Variants in NT5C2 observed in about 807,000 individuals in gnomAD.
The protein encoded by NT5C2 is cytosolic purine 5'-nucleotidase.
A neutral mutation model predicts 76.1 loss-of-function variants in NT5C2; 58 were observed. The observed-to-expected ratio is 0.76, with a 90% CI of 0.62 to 0.95. The LOEUF is 0.95. Among genes scored for constraint, NT5C2 ranks in the 40% least tolerant of loss-of-function variants. NT5C2 has a pLI of 0.00. For synonymous variants in NT5C2, 229 were observed against 237.4 expected (o/e 0.96, Z 0.32); for missense variants, 478 against 690.3 (o/e 0.69, Z 3.45).
chr10:103,140,496 A>C (rs1404730199), intron 3 of NT5C2, among the ~76,000 whole-genome samples: 1 of 152,146 alleles, frequency 6.6e-6, no homozygotes, highest in Non-Finnish European at 1.5e-5. Context: ...ATAATGTTGC[A>C]ATGAACATGG....
At chr10:103,190,536 T>C (rs1344267596) in intron 1 of NT5C2, among the ~76,000 whole-genome samples, 1 of 152,220 alleles carries the variant, frequency 6.6e-6, no homozygotes, top group Non-Finnish European at 1.5e-5. Flanking sequence ...AATTATTCTA[T>C]TTAATCCACA....
At chr10:103,185,516 C>T (rs914841488) in intron 1 of NT5C2, among the ~76,000 whole-genome samples, 1 of 151,644 alleles carries the variant, frequency 6.6e-6, no homozygotes, top group East Asian at 1.9e-4. Flanking sequence ...GGCATGGTGA[C>T]GGGTGCCTGT....
chr10:103,115,553 T>C (rs903672857), intron 4 of NT5C2, among the ~76,000 whole-genome samples: 1 of 152,214 alleles, frequency 6.6e-6, no homozygotes, highest in Non-Finnish European at 1.5e-5. Flanking sequence ...CAATAAAAAG[T>C]AAAGATCATA....
intron 3 of NT5C2, among the ~76,000 whole-genome samples, chr10:103,167,554 C>A (rs2134370867): frequency 6.6e-6 from 1 of 152,150 alleles, no homozygotes; most frequent in Admixed American, 6.5e-5. Flanking sequence ...AATTGATCAA[C>A]CTGGCAGTCT....
intron 3 of NT5C2, among the ~76,000 whole-genome samples, chr10:103,171,582 G>A (rs1297064958): frequency 6.6e-6 from 1 of 152,198 alleles, no homozygotes; most frequent in Non-Finnish European, 1.5e-5. Context: ...GGGAGGCAAA[G>A]ATGGTTCTAG....
At chr10:103,139,165 G>A (rs867827919) in intron 4 of NT5C2, among the ~76,000 whole-genome samples, 6 of 152,106 alleles carry the variant, frequency 3.9e-5, no homozygotes, top group African/African-American at 9.7e-5. Context: ...TCTTACCAGG[G>A]TCTCTAAAAT....
intron 3 of NT5C2, among the ~76,000 whole-genome samples, chr10:103,155,375 A>C (rs2083161907): frequency 6.6e-6 from 1 of 152,208 alleles, no homozygotes; most frequent in African/African-American, 2.4e-5. Context: ...TATGAGGTAA[A>C]GTTATTCCAG....
In NT5C2 at chr10:103,145,419, C is replaced by T. The variant is rs1016985601; in HGVS notation, c.102-5940G>A. Among the ~76,000 whole-genome samples, 4 of 152,168 alleles carry T rather than the reference C, an allele frequency of 2.6e-5. No homozygotes were observed. The South Asian group carries it at 6.2e-4, about 24-fold the overall frequency. On this transcript the variant is annotated intron_variant, in intron 3 of 18. Coordinates refer to ENST00000404739, the MANE Select transcript of NT5C2 (RefSeq NM_001351169.2). ...AAGGCTGGCCCACTGCCCCATCATA[C>T]ATTTCAAAACAAAAAGATTTATCTG...
intron 2 of NT5C2, among the ~76,000 whole-genome samples, chr10:103,178,942 T>TTTTC: frequency 7.2e-6 from 1 of 139,694 alleles, no homozygotes; most frequent in Non-Finnish European, 1.6e-5. Flanking sequence ...ACGTTTTCTT[T>TTTTC]TTTCTTTTTT....
intron 4 of NT5C2, among the ~76,000 whole-genome samples, chr10:103,127,763 G>A (rs373707358): frequency 4.0e-5 from 6 of 151,708 alleles, no homozygotes; most frequent in Admixed American, 6.6e-5. Context: ...TCACTGTGTT[G>A]GCCAGGATGG....
chr10:103,094,061 G>T (rs1328567574), intron 13 of NT5C2, 23 bp from the exon 14 acceptor site: 2 of 1,591,604 alleles, frequency 1.3e-6, no homozygotes, highest in African/African-American at 1.3e-5. Flanking sequence ...TATGGATTTT[G>T]TAATACTTTA....
At chr10:103,136,607 G>C (rs2079302211) in intron 4 of NT5C2, among the ~76,000 whole-genome samples, 1 of 151,100 alleles carries the variant, frequency 6.6e-6, no homozygotes, top group East Asian at 1.9e-4. Context: ...TTAAAGTTTA[G>C]AGACAGATTC....
At chr10:103,183,363 C>T (rs1300477775) in intron 1 of NT5C2, among the ~76,000 whole-genome samples, 13 of 136,518 alleles carry the variant, frequency 9.5e-5, no homozygotes, top group Non-Finnish European at 1.1e-4. Flanking sequence ...ACAATCTATC[C>T]CTCCTTCTTG....
Position 103,103,560 on chromosome 10 carries a change from T to G in NT5C2, c.389+2146A>C, listed in dbSNP as rs1336191538. 2.0e-5 allele frequency among the ~76,000 whole-genome samples: 3 copies of G among 152,170 alleles called. No homozygotes were observed. In the East Asian group the frequency reaches 5.8e-4, roughly 29 times the overall value. On this transcript the variant is annotated intron_variant, in intron 6 of 18. Transcript: ENST00000404739. ...TATAGTTAGCAATTACATTGTAAAC[T>G]TCAGTGTCAAATCACACTAGTATAT...
intron 8 of NT5C2, 59 bp from the exon 9 acceptor site, chr10:103,100,078 A>C: frequency 8.5e-7 from 1 of 1,176,558 alleles, no homozygotes; most frequent in Non-Finnish European, 1.3e-6. Context: ...CAAAATATAT[A>C]TCAAAAATTT....
At position 103,122,399 on chromosome 10, in the gene NT5C2, G is replaced by C. The variant is rs1347839780; in HGVS notation, c.176-15693C>G. ...CATTTGGGGGGAAAAAATTAAGGAT[G>C]ATCTTCTTTGTTTATGGGTTTTTGT... On this transcript the variant is annotated intron_variant, in intron 4 of 18. Transcript: ENST00000404739. Among the ~76,000 whole-genome samples, 3 of 152,188 alleles carry C rather than the reference G, an allele frequency of 2.0e-5. No homozygotes were observed. In the South Asian group the frequency reaches 6.2e-4, roughly 32 times the overall value.
At chr10:103,143,888 A>G (rs1189952824) in intron 3 of NT5C2, among the ~76,000 whole-genome samples, 1 of 152,020 alleles carries the variant, frequency 6.6e-6, no homozygotes, top group African/African-American at 2.4e-5. Flanking sequence ...CCAAGAGGTC[A>G]AGGCTGCAGC....
At chr10:103,095,843 G>A (rs1354998314) in intron 12 of NT5C2, 96 bp downstream of exon 12, 28 of 1,076,654 alleles carry the variant, frequency 2.6e-5, no homozygotes, top group Admixed American at 9.9e-5. Flanking sequence ...ACTTTTCTGG[G>A]TGGGTTCTGA....
chr10:103,149,929 A>G (rs971327451), intron 3 of NT5C2, among the ~76,000 whole-genome samples: 6 of 152,060 alleles, frequency 3.9e-5, no homozygotes, highest in Non-Finnish European at 7.4e-5. Context: ...CAAAGAGAGT[A>G]TATTTTTCCC....
Sources: gnomAD v4.1 joint callset for allele counts (sites outside exome capture counted in the v4.1 genomes callset) on GRCh38, gnomAD v4.1.1 for gene constraint, MANE v1.5 for transcripts, NCBI Gene and HGNC (gene_info 2026-07-23, HGNC 2026-07-21) for gene names.